Variants in JARID2 observed in about 807,000 individuals in gnomAD.
JARID2 encodes the protein jumonji and AT-rich interaction domain containing 2.
JARID2 carries 21 observed loss-of-function variants against 125.6 expected under a neutral mutation model. The observed-to-expected ratio is 0.17, with a 90% CI of 0.12 to 0.24. JARID2 has a LOEUF of 0.24. JARID2 is among the 10% of genes least tolerant of loss of function. The pLI, the probability that JARID2 is intolerant of heterozygous loss-of-function variation, is 1.00. For missense variants in JARID2, 1,303 were observed against 1,639.6 expected, an observed-to-expected ratio of 0.79 and a Z score of 3.55; for synonymous variants, 736 against 661.6, an observed-to-expected ratio of 1.11 and a Z score of -1.73.
intron 1 of JARID2, among the ~76,000 whole-genome samples, chr6:15,256,607 G>C (rs1490252987): frequency 1.2e-5 from 1 of 81,718 alleles, no homozygotes; most frequent in Non-Finnish European, 2.8e-5. Flanking sequence ...TCACACATCC[G>C]GGGCTTCAGC....
chr6:15,437,732 A>C (rs761771496), intron 3 of JARID2, among the ~76,000 whole-genome samples: 16 of 151,716 alleles, frequency 1.1e-4, no homozygotes, highest in Non-Finnish European at 2.2e-4. Flanking sequence ...TGAACCCGGG[A>C]GGCGGAGGTT....
intron 1 of JARID2, among the ~76,000 whole-genome samples, chr6:15,364,062 C>G (rs754296017): frequency 6.6e-6 from 1 of 152,140 alleles, no homozygotes; most frequent in Non-Finnish European, 1.5e-5. Flanking sequence ...CCAGAGATAA[C>G]CAGTCTTGTG....
rs577050464 is a variant in JARID2 at position 15,322,846 on chromosome 6, T to C, written c.46-51271T>C. ...GATTTCCTAAACCACTTCCAAATTA[T>C]GTCTTCAAACAAAATAAAACTTTCC... On this transcript the variant is annotated intron_variant, in intron 1 of 17. Transcript: ENST00000341776. 5.9e-5 allele frequency among the ~76,000 whole-genome samples: 9 copies of C among 152,350 alleles called. No homozygotes were observed. The South Asian group carries it at 1.5e-3, about 25-fold the overall frequency.
At chr6:15,426,762 T>A (rs1247327440) in intron 3 of JARID2, among the ~76,000 whole-genome samples, 1 of 152,232 alleles carries the variant, frequency 6.6e-6, no homozygotes, top group Non-Finnish European at 1.5e-5. Context: ...ATGAGGTGAC[T>A]TAAGCCTAAT....
intron 8 of JARID2, among the ~76,000 whole-genome samples, chr6:15,502,012 A>G (rs549569326): frequency 6.5e-4 from 99 of 152,268 alleles, no homozygotes; most frequent in African/African-American, 2.3e-3. Context: ...CTGCCAGCCC[A>G]GCGTTGCCAG....
At chr6:15,344,316 G>A (rs1763173801) in intron 1 of JARID2, among the ~76,000 whole-genome samples, 2 of 151,964 alleles carry the variant, frequency 1.3e-5, no homozygotes, top group African/African-American at 4.8e-5. Context: ...CTTAGATAAA[G>A]CACACTCTGG....
chr6:15,394,939 CTT>C (rs4052929), intron 2 of JARID2, among the ~76,000 whole-genome samples: 80,963 of 146,212 alleles, frequency 0.55, 22,189 homozygotes, highest in South Asian at 0.64. Flanking sequence ...AGAATAATTC[CTT>C]TTTTTTTTTT....
intron 4 of JARID2, 65 bp downstream of exon 4, chr6:15,452,240 G>A (rs1767950955): frequency 6.3e-7 from 1 of 1,577,466 alleles, no homozygotes; most frequent in Non-Finnish European, 8.6e-7. Context: ...AGGTCTACGT[G>A]GAGTAACCTT....
At chr6:15,412,987 A>G (rs540198850) in intron 3 of JARID2, among the ~76,000 whole-genome samples, 5 of 136,784 alleles carry the variant, frequency 3.7e-5, no homozygotes, top group Admixed American at 7.6e-5. Context: ...AACATTATAC[A>G]TGGGAAGAGC....
chr6:15,316,414 C>T (rs574759564), intron 1 of JARID2, among the ~76,000 whole-genome samples: 2 of 152,300 alleles, frequency 1.3e-5, no homozygotes, highest in East Asian at 1.9e-4. Flanking sequence ...TGCTACCCTA[C>T]AGAGGTGGCC....
intron 1 of JARID2, among the ~76,000 whole-genome samples, chr6:15,302,753 G>T (rs1181546659): frequency 1.3e-5 from 2 of 151,906 alleles, no homozygotes; most frequent in African/African-American, 4.8e-5. Flanking sequence ...TTTATTTTTT[G>T]AGATGGAGTC....
At chr6:15,511,490 G>C (rs1771277333) in intron 13 of JARID2, 89 bp downstream of exon 13, 1 of 877,720 alleles carries the variant, frequency 1.1e-6, no homozygotes, top group Admixed American at 1.8e-5. Flanking sequence ...CCTTTCAAAG[G>C]CAATGAGGAC....
At chr6:15,459,772 AT>A (rs1197620998) in intron 4 of JARID2, among the ~76,000 whole-genome samples, 3 of 152,316 alleles carry the variant, frequency 2.0e-5, no homozygotes, top group South Asian at 2.1e-4. Context: ...GAGGACTAGG[AT>A]TTCTAAGTAG....
chr6:15,366,553 T>C lies in JARID2; in HGVS notation c.46-7564T>C, dbSNP rs114227122. Among the ~76,000 whole-genome samples the C allele has an allele frequency of 5.2e-3, 785 of 149,920 alleles. 15 individuals are homozygous for C. Among genetic ancestry groups the C allele is most frequent in the African/African-American group, 0.018 (751 of 40,770 alleles). The stretch of plus-strand genomic sequence containing the variant: ...GGGGGGTGGGGTTGGCAACTCCAAT[T>C]GCCATGTCTTAGCATTTCTGTGAAT... On this transcript the variant is annotated intron_variant, in intron 1 of 17. Coordinates refer to ENST00000341776, the MANE Select transcript of JARID2 (RefSeq NM_004973.4).
At chr6:15,405,221 G>C (rs1322910400) in intron 2 of JARID2, among the ~76,000 whole-genome samples, 1 of 152,202 alleles carries the variant, frequency 6.6e-6, no homozygotes, top group African/African-American at 2.4e-5. Context: ...TGCTGTTCCA[G>C]ACTCAGAAGC....
chr6:15,462,767 T>C (rs1375707893), intron 4 of JARID2, among the ~76,000 whole-genome samples: 2 of 152,132 alleles, frequency 1.3e-5, no homozygotes, highest in Non-Finnish European at 2.9e-5. Flanking sequence ...CTGCTTAAGA[T>C]CAAGAACTGA....
chr6:15,470,159 A>G (rs1769001796), intron 5 of JARID2, among the ~76,000 whole-genome samples: 1 of 145,788 alleles, frequency 6.9e-6, no homozygotes, highest in Non-Finnish European at 1.5e-5. Context: ...CTTGGGCGAC[A>G]GAGCGAGACT....
At chr6:15,274,547 C>T (rs1760424253) in intron 1 of JARID2, among the ~76,000 whole-genome samples, 1 of 152,196 alleles carries the variant, frequency 6.6e-6, no homozygotes, top group African/African-American at 2.4e-5. Context: ...TATTTTCCTT[C>T]ATTCAGATAA....
chr6:15,300,683 T>TTTG (rs1554121153), intron 1 of JARID2, among the ~76,000 whole-genome samples: 5 of 114,402 alleles, frequency 4.4e-5, no homozygotes. Flanking sequence ...TGTCCTCATG[T>TTTG]TGTGTGTGTG....
Sources: allele counts gnomAD v4.1 joint callset (sites outside exome capture counted in the v4.1 genomes callset), GRCh38; gene constraint gnomAD v4.1.1; transcripts MANE v1.5; gene names NCBI Gene and HGNC (gene_info 2026-07-23, HGNC 2026-07-21).